Variants in TXNRD1 observed in about 807,000 individuals in gnomAD.
The protein encoded by TXNRD1 is thioredoxin reductase 1, cytoplasmic.
A neutral mutation model predicts 80.3 loss-of-function variants in TXNRD1; 57 were observed. That is an observed-to-expected ratio of 0.71 (90% CI 0.57 to 0.89). The LOEUF (loss-of-function observed/expected upper bound fraction) is 0.89. TXNRD1 is among the 40% of genes least tolerant of loss of function. The probability of loss-of-function intolerance (pLI) is 0.00; values close to 1 mark genes in which losing one functional copy is unlikely to be tolerated. For synonymous variants in TXNRD1, 291 were observed against 285.2 expected (o/e 1.02, Z -0.20); for missense variants, 730 against 803.0 (o/e 0.91, Z 1.10).
intron 1 of TXNRD1, among the ~76,000 whole-genome samples, chr12:104,238,398 C>G (rs951934858): frequency 1.3e-5 from 2 of 152,158 alleles, no homozygotes. Flanking sequence ...ATGGATTGCA[C>G]TCAGAAAGTT....
intron 3 of TXNRD1, among the ~76,000 whole-genome samples, chr12:104,267,681 C>G (rs1192017890): frequency 3.2e-4 from 15 of 46,730 alleles, no homozygotes; most frequent in African/African-American, 6.0e-4. Flanking sequence ...TTCTTTCTTT[C>G]TTTCTTTCTT....
At chr12:104,291,200 T>A in intron 4 of TXNRD1, 2 of 295,372 alleles carry the variant, frequency 6.8e-6, no homozygotes. Flanking sequence ...TTGTGTCTTT[T>A]TTTTTTTTTT....
At chr12:104,335,628 G>C (rs983087831) in intron 15 of TXNRD1, among the ~76,000 whole-genome samples, 3 of 152,066 alleles carry the variant, frequency 2.0e-5, no homozygotes, top group Non-Finnish European at 2.9e-5. Context: ...TTTTGACTGT[G>C]GGACACTGGT....
rs1366323754 is a variant in TXNRD1 at position 104,285,576 on chromosome 12, T to A, written c.305-3355T>A. On this transcript the variant is annotated intron_variant, in intron 3 of 16. Coordinates refer to ENST00000525566, the MANE Select transcript of TXNRD1 (RefSeq NM_001093771.3). ...CAAGCCTCTTCAAATCAATCCTTAT[T>A]ACTTGCTTTTAGTACATTATTTCAA... Among the ~76,000 whole-genome samples the A allele has an allele frequency of 2.6e-5, 4 of 152,234 alleles. No individual in the cohort carries two copies. The East Asian group carries it at 7.7e-4, about 29-fold the overall frequency.
intron 3 of TXNRD1, among the ~76,000 whole-genome samples, chr12:104,273,704 G>A (rs1291820231): frequency 6.6e-6 from 1 of 152,248 alleles, no homozygotes; most frequent in Non-Finnish European, 1.5e-5. Flanking sequence ...GCGCGTGGCA[G>A]CCTTCTGCAG....
chr12:104,299,691 CG>C (rs1189811299), intron 4 of TXNRD1, among the ~76,000 whole-genome samples: 2 of 144,472 alleles, frequency 1.4e-5, no homozygotes, highest in Non-Finnish European at 3.0e-5. Flanking sequence ...CACTTGAGTC[CG>C]GGGGGTGTAG....
chr12:104,332,516 G>C lies in TXNRD1; in HGVS notation c.1650+875G>C, dbSNP rs567059767. On this transcript the variant is annotated intron_variant, in intron 14 of 16. Transcript: ENST00000525566. The stretch of plus-strand genomic sequence containing the variant: ...TGTAATCTCAGCACTTTGGGAGGCC[G>C]AGGTGGGTGGATCACCTGAGGCCAG... Among the ~76,000 whole-genome samples, 9 of 152,068 alleles carry C rather than the reference G, an allele frequency of 5.9e-5. 1 individual carries two copies. In the South Asian group the frequency reaches 1.9e-3, roughly 32 times the overall value.
At chr12:104,283,590 G>T in intron 3 of TXNRD1, among the ~76,000 whole-genome samples, 1 of 151,894 alleles carries the variant, frequency 6.6e-6, no homozygotes, top group East Asian at 2.0e-4. Flanking sequence ...TGAAATCCAG[G>T]CTGGGTGCAG....
chr12:104,333,325 T>A (rs2036024676), intron 14 of TXNRD1, among the ~76,000 whole-genome samples: 1 of 152,082 alleles, frequency 6.6e-6, no homozygotes, highest in Non-Finnish European at 1.5e-5. Flanking sequence ...TTAAGTTTTT[T>A]AAAATTTGCT....
intron 4 of TXNRD1, chr12:104,303,669 G>T (rs2034739885): frequency 2.1e-6 from 1 of 473,758 alleles, no homozygotes; most frequent in South Asian, 3.2e-5. Context: ...GCTGGGCCGG[G>T]CCGGGGCGGG....
intron 6 of TXNRD1, among the ~76,000 whole-genome samples, chr12:104,315,437 C>T (rs35579583): frequency 6.6e-6 from 1 of 152,148 alleles, no homozygotes; most frequent in Non-Finnish European, 1.5e-5. Context: ...AGAGAAAAAT[C>T]GTAAGTCGGG....
At chr12:104,243,411 T>C (rs1316821400) in intron 1 of TXNRD1, among the ~76,000 whole-genome samples, 1 of 152,250 alleles carries the variant, frequency 6.6e-6, no homozygotes, top group African/African-American at 2.4e-5. Context: ...GCTTACCCAT[T>C]TAAGCTTCCC....
At chr12:104,229,688 G>A (rs2032569668) in intron 1 of TXNRD1, among the ~76,000 whole-genome samples, 1 of 151,590 alleles carries the variant, frequency 6.6e-6, no homozygotes, top group Non-Finnish European at 1.5e-5. Context: ...TGCCTCCCGG[G>A]TTCAACCGAT....
intron 4 of TXNRD1, among the ~76,000 whole-genome samples, chr12:104,299,983 A>T (rs2034567512): frequency 6.6e-6 from 1 of 152,142 alleles, no homozygotes. Flanking sequence ...AGAGTGTGGG[A>T]CTCAAACCTG....
chr12:104,226,944 G>C (rs1593682295), intron 1 of TXNRD1, among the ~76,000 whole-genome samples: 1 of 152,126 alleles, frequency 6.6e-6, no homozygotes. Context: ...ATTTTATATG[G>C]TAAGTCAGTA....
At chr12:104,234,374 A>G (rs2032688393) in intron 1 of TXNRD1, among the ~76,000 whole-genome samples, 1 of 152,176 alleles carries the variant, frequency 6.6e-6, no homozygotes, top group African/African-American at 2.4e-5. Context: ...AGCTCACTGC[A>G]ACCTCTGCCT....
chr12:104,220,751 A>C (rs1053096050), intron 1 of TXNRD1, among the ~76,000 whole-genome samples: 3 of 136,040 alleles, frequency 2.2e-5, no homozygotes, highest in South Asian at 2.4e-4. Flanking sequence ...GGTGGGGGGG[A>C]GGCGGTATTT....
At chr12:104,245,489 C>A (rs1271410084) in intron 1 of TXNRD1, among the ~76,000 whole-genome samples, 2 of 109,906 alleles carry the variant, frequency 1.8e-5, no homozygotes, top group Admixed American at 2.5e-4. Flanking sequence ...TGCACTCCAG[C>A]CTGGGCAACA....
chr12:104,314,672 A>T (rs1265414965), intron 6 of TXNRD1, among the ~76,000 whole-genome samples: 1 of 152,066 alleles, frequency 6.6e-6, no homozygotes, highest in Non-Finnish European at 1.5e-5. Flanking sequence ...TGCATCCTTT[A>T]AAAAACCAAG....
Sources: allele counts gnomAD v4.1 joint callset (sites outside exome capture counted in the v4.1 genomes callset), GRCh38; gene constraint gnomAD v4.1.1; transcripts MANE v1.5; gene names NCBI Gene and HGNC (gene_info 2026-07-23, HGNC 2026-07-21).